The following ECPAS variants were observed in gnomAD, a reference collection of about 807,000 sequenced individuals.
The protein encoded by ECPAS is Ecm29 proteasome adaptor and scaffold.
Under a neutral mutation model 255.1 loss-of-function variants are expected in ECPAS, and 70 were observed. The observed-to-expected ratio is 0.27, with a 90% CI of 0.23 to 0.33. ECPAS has a LOEUF of 0.33. ECPAS is among the 10% of genes least tolerant of loss of function. The probability of loss-of-function intolerance (pLI) is 1.00; values close to 1 mark genes in which losing one functional copy is unlikely to be tolerated. For synonymous variants in ECPAS, 784 were observed against 775.0 expected (o/e 1.01, Z -0.19); for missense variants, 1,817 against 2,206.4 (o/e 0.82, Z 3.54).
chr9:111,374,101 T>C lies in ECPAS; in HGVS notation c.4111-63A>G, dbSNP rs147817570. The C allele has an allele frequency of 6.9e-4, 892 of 1,301,478 alleles. 6 individuals carry two copies. The African/African-American group carries it at 9.3e-3, about 14-fold the overall frequency. 80.6% of individuals were successfully genotyped at this position (1,301,478 alleles called of 1,614,324 possible). ...TCACAATGTTCTACCTACCAAACCATTGGCTTAGGTGCCAAAAATTTAAAC... is the reference window on the plus strand; with the variant it reads ...TCACAATGTTCTACCTACCAAACCACTGGCTTAGGTGCCAAAAATTTAAAC... On this transcript the variant is annotated intron_variant, in intron 38 of 49. Coordinates refer to ENST00000684092, the MANE Select transcript of ECPAS (RefSeq NM_001364929.1).
intron 2 of ECPAS, among the ~76,000 whole-genome samples, chr9:111,465,972 T>G (rs1406428546): frequency 6.6e-6 from 1 of 151,638 alleles, no homozygotes; most frequent in Non-Finnish European, 1.5e-5. Context: ...AGGTTGAGGC[T>G]GCAGTGAGCT....
chr9:111,366,489 C>T, intron 47 of ECPAS, 33 bp downstream of exon 47: 1 of 1,521,192 alleles, frequency 6.6e-7, no homozygotes, highest in Non-Finnish European at 9.1e-7. Context: ...CGGGGAGGAA[C>T]AAAATAAAAA....
At chr9:111,453,057 AAC>A (rs1234778217) in intron 2 of ECPAS, among the ~76,000 whole-genome samples, 1 of 151,914 alleles carries the variant, frequency 6.6e-6, no homozygotes, top group Non-Finnish European at 1.5e-5. Context: ...CAGCCTGATC[AAC>A]ACAGAGACAC....
In ECPAS at chr9:111,405,245, C is replaced by T. The variant is rs868234409; in HGVS notation, c.2652+3326G>A. Among the ~76,000 whole-genome samples, 12 of 149,440 alleles carry T rather than the reference C, an allele frequency of 8.0e-5. 2 individuals are homozygous for T. The highest frequency in any genetic ancestry group is 3.1e-4 in the African/African-American group (12 of 39,320). ...ACACCAATGGAACAGAATAGAGAAC[C>T]CAAAGATAAATCTACTGATTTACAG... On this transcript the variant is annotated intron_variant, in intron 24 of 49. Transcript: ENST00000684092.
At chr9:111,430,458 A>T in intron 9 of ECPAS, 89 bp downstream of exon 9, 1 of 828,536 alleles carries the variant, frequency 1.2e-6, no homozygotes, top group Non-Finnish European at 2.0e-6. Context: ...ATTCAGCTTA[A>T]ATGAAACTAG....
intron 45 of ECPAS, 80 bp from the exon 46 acceptor site, chr9:111,369,253 C>CAACCAACTATTA: frequency 9.4e-7 from 1 of 1,067,358 alleles, no homozygotes; most frequent in Non-Finnish European, 1.2e-6. Flanking sequence ...ATCAGGGTAC[C>CAACCAACTATTA]AACCAAGGCA....
intron 2 of ECPAS, among the ~76,000 whole-genome samples, chr9:111,469,940 G>C (rs563547631): frequency 6.2e-4 from 94 of 152,296 alleles, no homozygotes; most frequent in African/African-American, 2.0e-3. Context: ...CTTAAAAGGA[G>C]AATGTCAGGC....
At position 111,484,355 on chromosome 9, in the gene ECPAS, C is replaced by G; in HGVS notation, c.-322G>C. ...TGGCTGGGCCCGACCTGGGGAAACA[C>G]GCCTGTCCAAAGGAAGAGACGTGGA... On this transcript the variant is annotated 5_prime_UTR_variant, in exon 1 of 50. Transcript: ENST00000684092. 6.2e-7 allele frequency: 1 copy of G among 1,610,638 alleles called. No individual in the cohort carries two copies. Among genetic ancestry groups the G allele is most frequent in the Non-Finnish European group, 8.5e-7 (1 of 1,179,036 alleles).
At chr9:111,444,238 TA>T (rs79373091) in intron 4 of ECPAS, 139 bp downstream of exon 4, 24,099 of 486,192 alleles carry the variant, frequency 0.05, 1 homozygote, top group South Asian at 0.074. Flanking sequence ...GTGTGTCATT[TA>T]AAAAAAAAAA....
At chr9:111,461,514 T>A (rs966566105) in intron 2 of ECPAS, among the ~76,000 whole-genome samples, 3 of 151,972 alleles carry the variant, frequency 2.0e-5, no homozygotes, top group African/African-American at 7.2e-5. Flanking sequence ...AAGTATACTA[T>A]GCTAACAAAA....
chr9:111,430,679 A>G, intron 8 of ECPAS, 51 bp from the exon 9 acceptor site: 1 of 1,234,992 alleles, frequency 8.1e-7, no homozygotes, highest in Non-Finnish European at 1.1e-6. Flanking sequence ...CCCCTCCTTC[A>G]GTGATTTCAA....
chr9:111,465,895 A>G (rs961988396), intron 2 of ECPAS, among the ~76,000 whole-genome samples: 5 of 151,916 alleles, frequency 3.3e-5, no homozygotes, highest in African/African-American at 1.2e-4. Context: ...TGAGCCAGGC[A>G]TGGTGGTGCG....
Position 111,404,737 on chromosome 9 carries a change from C to A in ECPAS, c.2652+3834G>T, listed in dbSNP as rs139779256. ...TATAAGTTACCCACTTATAGCAGTG[C>A]GAGAACAGACTAATATGCCAACGGC... On this transcript the variant is annotated intron_variant, in intron 24 of 49. Transcript: ENST00000684092. Among the ~76,000 whole-genome samples, 515 of 136,692 alleles carry A rather than the reference C, an allele frequency of 3.8e-3. 53 individuals are homozygous for A. Among genetic ancestry groups the A allele is most frequent in the African/African-American group, 0.015 (503 of 34,424 alleles). 89.7% of individuals were successfully genotyped at this position (136,692 alleles called of 152,430 possible).
At chr9:111,468,509 AG>A (rs1301702962) in intron 2 of ECPAS, among the ~76,000 whole-genome samples, 4 of 152,154 alleles carry the variant, frequency 2.6e-5, no homozygotes, top group Admixed American at 2.0e-4. Context: ...AGAGAAGGAA[AG>A]GAAGAGAACA....
Position 111,371,820 on chromosome 9 carries a change from C to T in ECPAS, c.4538G>A (p.Gly1513Asp). 1 of 1,609,734 alleles carries T rather than the reference C, an allele frequency of 6.2e-7. No individual in the cohort carries two copies. The highest frequency in any genetic ancestry group is 2.2e-5 in the East Asian group (1 of 44,764). ...VWQENVPGSF[G>D]GIRLYLQELI... ...CTCCTGCAGGTATAATCGAATGCCA[C>T]CAAAGGATCCTAGGAAAGCAAAATT... Residue 1513 changes from glycine (G) to aspartate (D), a missense_variant, in exon 43 of 50, where the codon GGT (glycine) becomes GAT (aspartate). By Grantham distance (94) the Gly-to-Asp change is moderately conservative. Coordinates refer to ENST00000684092, the MANE Select transcript of ECPAS (RefSeq NM_001364929.1).
intron 7 of ECPAS, among the ~76,000 whole-genome samples, chr9:111,434,072 T>C (rs1443553269): frequency 1.3e-5 from 2 of 152,200 alleles, no homozygotes; most frequent in African/African-American, 2.4e-5. Context: ...AAAAATAAAG[T>C]TTCATTTTCA....
intron 49 of ECPAS, 102 bp downstream of exon 49, chr9:111,363,486 A>T: frequency 1.5e-6 from 1 of 648,934 alleles, no homozygotes; most frequent in Non-Finnish European, 2.7e-6. Context: ...TTTGTATTTC[A>T]GAGTATATGC....
chr9:111,446,127 A>C (rs1479630325), intron 3 of ECPAS, among the ~76,000 whole-genome samples: 1 of 152,208 alleles, frequency 6.6e-6, no homozygotes, highest in Non-Finnish European at 1.5e-5. Context: ...GAATAGTCTG[A>C]GGCATTTTTA....
At chr9:111,418,439 G>A (rs2098207933) in intron 16 of ECPAS, among the ~76,000 whole-genome samples, 1 of 152,018 alleles carries the variant, frequency 6.6e-6, no homozygotes. Context: ...TAACTCATAA[G>A]TGACATTAAA....
Sources: allele counts gnomAD v4.1 joint callset (sites outside exome capture counted in the v4.1 genomes callset), GRCh38; gene constraint gnomAD v4.1.1; transcripts MANE v1.5; gene names NCBI Gene and HGNC (gene_info 2026-07-23, HGNC 2026-07-21).